VSIG1: variants seen among roughly 807,000 people sequenced by gnomAD.
VSIG1 encodes the protein V-set and immunoglobulin domain-containing protein 1.
In VSIG1, 11 loss-of-function variants were observed where a neutral mutation model predicts 20.1. The ratio of observed to expected loss-of-function variants is 0.55; its 90% CI spans 0.34 to 0.91. The LOEUF (loss-of-function observed/expected upper bound fraction) is 0.91. VSIG1 is among the 40% of genes least tolerant of loss of function. The pLI, the probability that VSIG1 is intolerant of heterozygous loss-of-function variation, is 0.02. For synonymous variants in VSIG1, 126 were observed against 116.7 expected, an observed-to-expected ratio of 1.08 and a Z score of -0.52; for missense variants, 283 against 298.8, an observed-to-expected ratio of 0.95 and a Z score of 0.39.
At chrX:108,050,270 A>G (rs1378345935) in intron 1 of VSIG1, among the ~76,000 whole-genome samples, 1 of 112,323 alleles carries the variant, frequency 8.9e-6, no homozygotes, top group Non-Finnish European at 1.9e-5. Context: ...GTCTTTGGGT[A>G]TGCAAAATTG....
intron 1 of VSIG1, among the ~76,000 whole-genome samples, chrX:108,050,269 T>C (rs1016787031): frequency 1.8e-5 from 2 of 112,295 alleles, no homozygotes; most frequent in East Asian, 2.8e-4. Flanking sequence ...AGTCTTTGGG[T>C]ATGCAAAATT....
intron 5 of VSIG1, 95 bp from the exon 6 acceptor site, chrX:108,075,982 A>G: frequency 9.3e-7 from 1 of 1,074,616 alleles, no homozygotes; most frequent in Non-Finnish European, 1.3e-6. Flanking sequence ...TTTTCCCACT[A>G]TGTGAATGGC....
At chrX:108,038,909 G>A in the VSIG1 span, among the ~76,000 whole-genome samples, 1 of 111,226 alleles carries the variant, frequency 9.0e-6, no homozygotes, top group African/African-American at 3.3e-5. Flanking sequence ...TATTTATATA[G>A]TCAGCATAAG....
rs2031147577 is a variant in VSIG1 at position 108,067,095 on chromosome X, C to T, written c.373C>T (p.Leu125Phe). The change falls in exon 3 of 7, where the codon CTC becomes TTC. Residue 125 changes from leucine (L) to phenylalanine (F), a missense_variant. By Grantham distance (22) the Leu-to-Phe change is conservative. Transcript: ENST00000217957. ...CGATGTTAACAACCCCCCAGACTTT[C>T]TCGGCCAAAACCAAGGCATCCTCAA... ...ICDVNNPPDF[L>F]GQNQGILNVS... 3 of 1,209,579 alleles carry T rather than the reference C, an allele frequency of 2.5e-6. No homozygotes were observed. The highest frequency in any genetic ancestry group is 2.2e-6 in the Non-Finnish European group (2 of 895,101).
chrX:108,028,062 C>A, the VSIG1 span, among the ~76,000 whole-genome samples: 1 of 111,443 alleles, frequency 9.0e-6, no homozygotes, highest in East Asian at 2.8e-4. Context: ...TCTGTAGTGA[C>A]CATCCAAGGC....
intron 1 of VSIG1, among the ~76,000 whole-genome samples, chrX:108,049,463 T>A (rs807174): frequency 0.046 from 5,150 of 111,868 alleles, 322 homozygotes; most frequent in African/African-American, 0.16. Context: ...TTGATATTTG[T>A]TGCTAGGCTC....
the VSIG1 span, among the ~76,000 whole-genome samples, chrX:108,025,045 A>G: frequency 9.0e-6 from 1 of 111,336 alleles, no homozygotes; most frequent in Non-Finnish European, 1.9e-5. Flanking sequence ...TGAATGTGGG[A>G]TATTGATGCT....
chrX:108,058,301 A>G, intron 2 of VSIG1, 100 bp downstream of exon 2: 1 of 841,920 alleles, frequency 1.2e-6, no homozygotes. Flanking sequence ...CATGCCAGTG[A>G]CAGTAGTGGC....
At chrX:108,074,574 A>G (rs774861559) in intron 5 of VSIG1, among the ~76,000 whole-genome samples, 4 of 111,944 alleles carry the variant, frequency 3.6e-5, no homozygotes, top group African/African-American at 1.3e-4. Flanking sequence ...TATGTCCTAT[A>G]CTCAAGGAGC....
intron 2 of VSIG1, among the ~76,000 whole-genome samples, chrX:108,064,445 A>T (rs2031088430): frequency 9.0e-6 from 1 of 111,457 alleles, no homozygotes; most frequent in Admixed American, 9.5e-5. Flanking sequence ...TTATATACTC[A>T]TTTCACCTTG....
chrX:108,047,238 A>G (rs1394005965), intron 1 of VSIG1, among the ~76,000 whole-genome samples: 1 of 112,056 alleles, frequency 8.9e-6, no homozygotes, highest in Non-Finnish European at 1.9e-5. Flanking sequence ...CCAAACATCC[A>G]GACATCATTT....
chrX:108,050,322 G>A (rs2030758326), intron 1 of VSIG1, among the ~76,000 whole-genome samples: 1 of 111,744 alleles, frequency 8.9e-6, no homozygotes, highest in Non-Finnish European at 1.9e-5. Context: ...AATTTCCTCT[G>A]AATCTTTCAT....
chrX:108,025,515 T>A, the VSIG1 span, among the ~76,000 whole-genome samples: 1 of 112,255 alleles, frequency 8.9e-6, no homozygotes, highest in Non-Finnish European at 1.9e-5. Context: ...TTTGAACTAG[T>A]AAAGATTCAT....
At chrX:108,047,821 CATATATATACACATATATATATACAT>C (rs1569287050) in intron 1 of VSIG1, among the ~76,000 whole-genome samples, 3 of 43,900 alleles carry the variant, frequency 6.8e-5, no homozygotes, top group Admixed American at 4.8e-4. Context: ...TATATATATA[CATATATATACACATATATATATACAT>C]ATATATATAC....
intron 1 of VSIG1, among the ~76,000 whole-genome samples, chrX:108,053,629 T>A (rs146479547): frequency 2.7e-5 from 3 of 111,536 alleles, no homozygotes; most frequent in Non-Finnish European, 3.8e-5. Context: ...AAGAATAATA[T>A]ATCAATAATT....
chrX:108,049,507 A>G (rs920944075), intron 1 of VSIG1, among the ~76,000 whole-genome samples: 1 of 111,745 alleles, frequency 8.9e-6, no homozygotes, highest in Non-Finnish European at 1.9e-5. Context: ...TTGTGTGAGT[A>G]CTGTGTGTAC....
chrX:108,072,838 T>C lies in VSIG1; in HGVS notation c.568+6T>C, dbSNP rs113598040. The C allele has an allele frequency of 1.7e-6, 2 of 1,206,850 alleles. No individual in the cohort carries two copies. The highest frequency in any genetic ancestry group is 3.0e-5 in the East Asian group (1 of 33,730). Reference sequence around the variant, plus strand: ...GCCAGTGAAAGAAAACTTCAGTAAGTGTAACCTGCAGTAGACCCTGGAAAG... The same window carrying C: ...GCCAGTGAAAGAAAACTTCAGTAAGCGTAACCTGCAGTAGACCCTGGAAAG... On this transcript the variant is annotated splice_donor_region_variant and intron_variant, in intron 4 of 6. Transcript: ENST00000217957.
At chrX:108,041,941 C>T (rs2147911842), upstream of VSIG1, among the ~76,000 whole-genome samples, 1 of 109,331 alleles carries the variant, frequency 9.1e-6, no homozygotes, top group South Asian at 4.0e-4. Context: ...ACTTTTGAGC[C>T]TCAGTTTTCT....
At chrX:108,041,082 A>G (rs886748366), upstream of VSIG1, among the ~76,000 whole-genome samples, 3 of 107,705 alleles carry the variant, frequency 2.8e-5, no homozygotes, top group Non-Finnish European at 3.9e-5. Flanking sequence ...GATAAATCAG[A>G]TATCACATAT....
Sources: gnomAD v4.1 joint callset for allele counts (sites outside exome capture counted in the v4.1 genomes callset) on GRCh38, gnomAD v4.1.1 for gene constraint, MANE v1.5 for transcripts, NCBI Gene and HGNC (gene_info 2026-07-23, HGNC 2026-07-21) for gene names.